MECOM: variants seen among roughly 807,000 people sequenced by gnomAD.
MECOM encodes histone-lysine N-methyltransferase MECOM.
MECOM carries 13 observed loss-of-function variants against 116.3 expected under a neutral mutation model. That is an observed-to-expected ratio of 0.11 (90% CI 0.07 to 0.18). MECOM has a LOEUF of 0.18. Among genes scored for constraint, MECOM ranks in the 10% least tolerant of loss-of-function variants. The pLI, the probability that MECOM is intolerant of heterozygous loss-of-function variation, is 1.00. For missense variants in MECOM, 1,299 were observed against 1,509.0 expected, an observed-to-expected ratio of 0.86 and a Z score of 2.31; for synonymous variants, 528 against 535.2, an observed-to-expected ratio of 0.99 and a Z score of 0.19.
chr3:169,587,760 T>A (rs1300968086), intron 1 of MECOM, among the ~76,000 whole-genome samples: 1 of 152,196 alleles, frequency 6.6e-6, no homozygotes, highest in Non-Finnish European at 1.5e-5. Context: ...TACACTGTCA[T>A]AGCCTAATGC....
intron 1 of MECOM, among the ~76,000 whole-genome samples, chr3:169,431,768 T>C (rs2108558131): frequency 6.6e-6 from 1 of 152,314 alleles, no homozygotes. Context: ...CATGAATTAG[T>C]ACTTACATAT....
At chr3:169,415,063 C>A (rs1738310794) in intron 1 of MECOM, among the ~76,000 whole-genome samples, 1 of 152,132 alleles carries the variant, frequency 6.6e-6, no homozygotes, top group South Asian at 2.1e-4. Context: ...AGAAGAGCAA[C>A]CCCAAGACAC....
intron 1 of MECOM, among the ~76,000 whole-genome samples, chr3:169,533,588 T>G (rs1186765332): frequency 8.2e-6 from 1 of 121,236 alleles, no homozygotes; most frequent in Non-Finnish European, 1.7e-5. Context: ...TTTTTTTTTT[T>G]TTTATTTCCT....
intron 1 of MECOM, among the ~76,000 whole-genome samples, chr3:169,382,740 C>G (rs1269102093): frequency 6.6e-6 from 1 of 151,142 alleles, no homozygotes; most frequent in Non-Finnish European, 1.5e-5. Flanking sequence ...GTAGTCCCAG[C>G]CACTTGAGAG....
intron 1 of MECOM, among the ~76,000 whole-genome samples, chr3:169,636,067 T>C (rs1006517622): frequency 2.0e-5 from 3 of 152,232 alleles, no homozygotes; most frequent in Admixed American, 2.0e-4. Flanking sequence ...TGAAGTCATC[T>C]AAAAAGCTTG....
chr3:169,403,633 G>A (rs888427841), intron 1 of MECOM, among the ~76,000 whole-genome samples: 7 of 152,152 alleles, frequency 4.6e-5, no homozygotes, highest in East Asian at 3.9e-4. Context: ...TTGCACCATC[G>A]AAAAGAGAAT....
intron 2 of MECOM, among the ~76,000 whole-genome samples, chr3:169,292,188 C>T (rs548226385): frequency 8.6e-5 from 13 of 151,852 alleles, no homozygotes; most frequent in African/African-American, 2.4e-4. Context: ...ACTAAAAATT[C>T]GAAAATTAGC....
intron 2 of MECOM, among the ~76,000 whole-genome samples, chr3:169,196,065 T>A: frequency 6.6e-6 from 1 of 152,044 alleles, no homozygotes; most frequent in East Asian, 1.9e-4. Flanking sequence ...TTTATGTTTC[T>A]TCTCTCCTAT....
At chr3:169,255,494 C>T (rs768410034) in intron 2 of MECOM, among the ~76,000 whole-genome samples, 60 of 151,792 alleles carry the variant, frequency 4.0e-4, no homozygotes, top group Non-Finnish European at 1.5e-5. Context: ...GGGGTAGTCT[C>T]GGTGATCAGC....
At chr3:169,477,099 GTGTGTGTATATA>G (rs1409487905) in intron 1 of MECOM, 3 of 46,246 alleles carry the variant, frequency 6.5e-5, no homozygotes, top group African/African-American at 2.2e-4. Context: ...GTGTGTGTGT[GTGTGTGTATATA>G]TATATATATA....
At chr3:169,583,091 T>C (rs1251361983) in intron 1 of MECOM, among the ~76,000 whole-genome samples, 1 of 152,184 alleles carries the variant, frequency 6.6e-6, no homozygotes, top group East Asian at 1.9e-4. Context: ...CCTTGGGAAA[T>C]TGTCTTAATC....
intron 2 of MECOM, among the ~76,000 whole-genome samples, chr3:169,227,859 G>A (rs758912432): frequency 1.2e-4 from 18 of 152,174 alleles, no homozygotes; most frequent in Non-Finnish European, 2.4e-4. Context: ...GACCAAACTT[G>A]GGATTTTGTT....
intron 5 of MECOM, 77 bp downstream of exon 5, chr3:169,127,767 T>C (rs763994585): frequency 3.0e-6 from 4 of 1,333,684 alleles, no homozygotes; most frequent in Non-Finnish European, 4.3e-6. Flanking sequence ...ATTTTCCATC[T>C]GCACAAAGCC....
At chr3:169,291,218 C>A (rs1199177302) in intron 2 of MECOM, among the ~76,000 whole-genome samples, 1 of 152,052 alleles carries the variant, frequency 6.6e-6, no homozygotes, top group Non-Finnish European at 1.5e-5. Context: ...AATAAATCAC[C>A]CTTTATCCTT....
At chr3:169,345,261 C>T (rs1055887686) in intron 2 of MECOM, among the ~76,000 whole-genome samples, 3 of 151,890 alleles carry the variant, frequency 2.0e-5, no homozygotes, top group Non-Finnish European at 4.4e-5. Flanking sequence ...AACAAATATA[C>T]GATAAAAGAC....
chr3:169,540,068 C>T (rs16854029), intron 1 of MECOM, among the ~76,000 whole-genome samples: 31,985 of 151,984 alleles, frequency 0.21, 4,429 homozygotes, highest in East Asian at 0.68. Context: ...TTCTCATGTA[C>T]GCTCTCTCTT....
At chr3:169,143,867 T>C in intron 2 of MECOM, 35 bp from the exon 3 acceptor site, 1 of 1,555,776 alleles carries the variant, frequency 6.4e-7, no homozygotes, top group Non-Finnish European at 8.7e-7. Context: ...TCAATTGCCA[T>C]ATTGGCCCAC....
chr3:169,426,526 T>A (rs1485040058), intron 1 of MECOM, among the ~76,000 whole-genome samples: 2 of 152,212 alleles, frequency 1.3e-5, no homozygotes, highest in Non-Finnish European at 2.9e-5. Context: ...GGTGAATTAA[T>A]GTTTGCCTTC....
chr3:169,466,625 TC>T (rs922987925), intron 1 of MECOM, among the ~76,000 whole-genome samples: 1 of 152,140 alleles, frequency 6.6e-6, no homozygotes, highest in Non-Finnish European at 1.5e-5. Context: ...CTCTTTTTTT[TC>T]CTCTTTCACT....
Sources: allele counts gnomAD v4.1 joint callset (sites outside exome capture counted in the v4.1 genomes callset), GRCh38; gene constraint gnomAD v4.1.1; transcripts MANE v1.5; gene names NCBI Gene and HGNC (gene_info 2026-07-23, HGNC 2026-07-21).